ARHGEF10L: variants seen among roughly 807,000 people sequenced by gnomAD.
The protein encoded by ARHGEF10L is rho guanine nucleotide exchange factor 10-like protein.
ARHGEF10L carries 69 observed loss-of-function variants against 141.2 expected under a neutral mutation model. That is an observed-to-expected ratio of 0.49 (90% CI 0.40 to 0.60). The LOEUF (loss-of-function observed/expected upper bound fraction) is 0.60. Ranked by LOEUF, ARHGEF10L falls within the 20% of genes least tolerant of loss-of-function variation. The pLI, the probability that ARHGEF10L is intolerant of heterozygous loss-of-function variation, is 0.00. For missense variants in ARHGEF10L, 1,482 were observed against 1,734.3 expected, an observed-to-expected ratio of 0.85 and a Z score of 2.58; for synonymous variants, 711 against 718.5, an observed-to-expected ratio of 0.99 and a Z score of 0.17.
rs1352013429 is a variant in ARHGEF10L, at chr1:17,673,973, C to T, written c.3009+9378C>T. 6.6e-6 allele frequency among the ~76,000 whole-genome samples: 1 copy of T among 152,108 alleles called. No homozygotes were observed. The highest frequency in any genetic ancestry group is 1.5e-5 in the Non-Finnish European group (1 of 68,002). ...TCTCAGGGTGCCTCTGATTCTGAAGCCCCCACCTGGTCTGCCGTCCTCTGC... is the reference window on the plus strand; with the variant it reads ...TCTCAGGGTGCCTCTGATTCTGAAGTCCCCACCTGGTCTGCCGTCCTCTGC... On this transcript the variant is annotated intron_variant, in intron 26 of 28. Transcript: ENST00000361221. The surrounding 1 kb of genome is among the most constrained non-coding windows in gnomAD (Gnocchi z 4.1).
Position 17,637,877 on chromosome 1 carries a change from T to C in ARHGEF10L, c.1928-11T>C, listed in dbSNP as rs1433863273. The C allele has an allele frequency of 6.4e-7, 1 of 1,574,432 alleles. No individual in the cohort carries two copies. The highest frequency in any genetic ancestry group is 1.3e-5 in the African/African-American group (1 of 74,094). ...TTCACCTGTGCCTGAGTTGGTCTCTTCTCTGCCCAGATAAGGTGTACCTCG... is the reference window on the plus strand; with the variant it reads ...TTCACCTGTGCCTGAGTTGGTCTCTCCTCTGCCCAGATAAGGTGTACCTCG... On this transcript the variant is annotated splice_polypyrimidine_tract_variant and intron_variant, in intron 18 of 28. Coordinates refer to ENST00000361221, the MANE Select transcript of ARHGEF10L (RefSeq NM_018125.4).
intron 14 of ARHGEF10L, among the ~76,000 whole-genome samples, chr1:17,626,540 C>T (rs188195330): frequency 2.6e-5 from 4 of 152,248 alleles, no homozygotes; most frequent in East Asian, 3.9e-4. Context: ...CTGAGGGGTC[C>T]GGTGGCACAT....
intron 1 of ARHGEF10L, among the ~76,000 whole-genome samples, chr1:17,565,554 C>T (rs965245564): frequency 2.0e-5 from 3 of 152,226 alleles, no homozygotes; most frequent in African/African-American, 7.2e-5. Flanking sequence ...CCCCAGGTCT[C>T]CCGAAGGGAA....
chr1:17,672,124 A>G (rs533511752), intron 26 of ARHGEF10L, among the ~76,000 whole-genome samples: 1 of 152,060 alleles, frequency 6.6e-6, no homozygotes, highest in East Asian at 1.9e-4. Flanking sequence ...TTTTGTCCCT[A>G]AGCAGGACAG....
intron 22 of ARHGEF10L, among the ~76,000 whole-genome samples, chr1:17,653,180 T>C (rs77072467): frequency 0.12 from 19,008 of 152,158 alleles, 1,468 homozygotes; most frequent in Non-Finnish European, 0.17. Flanking sequence ...GCTCTGTAGG[T>C]GAGGACCTGA....
At position 17,625,051 on chromosome 1, in the gene ARHGEF10L, T is replaced by G. The variant is rs113810476; in HGVS notation, c.1317+548T>G. On this transcript the variant is annotated intron_variant, in intron 13 of 28. Coordinates refer to ENST00000361221, the MANE Select transcript of ARHGEF10L (RefSeq NM_018125.4). This position sits in a 1 kb window ranked among gnomAD's most constrained non-coding sequence, Gnocchi z 4.5. Reference sequence around the variant, plus strand: ...CCTGCTGGCTGGCAGAGGATGCAACTGGGCTAGGTGCCAGGACACGCACAC... The same window carrying G: ...CCTGCTGGCTGGCAGAGGATGCAACGGGGCTAGGTGCCAGGACACGCACAC... Among the ~76,000 whole-genome samples, 2,334 of 152,294 alleles carry G rather than the reference T, an allele frequency of 0.015. 72 individuals are homozygous for G. Among genetic ancestry groups the G allele is most frequent in the African/African-American group, 0.053 (2,207 of 41,562 alleles).
intron 1 of ARHGEF10L, among the ~76,000 whole-genome samples, chr1:17,577,707 G>A (rs375003539): frequency 4.0e-4 from 61 of 152,322 alleles, no homozygotes; most frequent in African/African-American, 1.5e-3. Context: ...GAGGCAGTGC[G>A]ATCAGAGGAT....
At chr1:17,674,950 A>G (rs1039274387) in intron 26 of ARHGEF10L, among the ~76,000 whole-genome samples, 6 of 152,146 alleles carry the variant, frequency 3.9e-5, no homozygotes, top group African/African-American at 1.4e-4. Context: ...TCACATGACA[A>G]AATTGCCTAA....
rs1346983607 is a variant in ARHGEF10L at position 17,656,091 on chromosome 1, C to T, written c.2694C>T (p.Leu898=). 1 of 1,552,502 alleles carries T rather than the reference C, an allele frequency of 6.4e-7. No homozygotes were observed. Among genetic ancestry groups the T allele is most frequent in the East Asian group, 2.4e-5 (1 of 41,306 alleles). The change falls in exon 24 of 29, where the codon CTC becomes CTT. Residue 898 remains leucine, a synonymous_variant. Coordinates refer to ENST00000361221, the MANE Select transcript of ARHGEF10L (RefSeq NM_018125.4). The surrounding 1 kb of genome is among the most constrained non-coding windows in gnomAD (Gnocchi z 4.9). ...TGCATCCAACCATCTGCCTCGGGCT[C>T]CAGGATGGCAGGTGAGGGGCCCGGA... ...ATVHPTICLG[L]QDGSILLYSS... is the part of the protein sequence containing the mutation.
intron 21 of ARHGEF10L, among the ~76,000 whole-genome samples, chr1:17,641,508 A>C (rs906038254): frequency 6.6e-6 from 1 of 151,912 alleles, no homozygotes; most frequent in Admixed American, 6.6e-5. Flanking sequence ...CTGTAGTCCC[A>C]GCTACTCGGG....
intron 1 of ARHGEF10L, among the ~76,000 whole-genome samples, chr1:17,545,888 C>T (rs1057149409): frequency 1.3e-5 from 2 of 152,162 alleles, no homozygotes; most frequent in African/African-American, 4.8e-5. Context: ...ACATGCTGCT[C>T]CTTCTACCCA....
At chr1:17,533,954 T>C in the ARHGEF10L span, among the ~76,000 whole-genome samples, 3 of 149,070 alleles carry the variant, frequency 2.0e-5, no homozygotes, top group African/African-American at 7.3e-5. Context: ...TCCACCCACT[T>C]TCTTCTTCTT....
intron 26 of ARHGEF10L, 61 bp downstream of exon 26, chr1:17,664,656 C>G: frequency 6.9e-7 from 1 of 1,441,750 alleles, no homozygotes; most frequent in Middle Eastern, 1.8e-4. Context: ...CTGACCCTTT[C>G]TTATGTCCAC....
intron 1 of ARHGEF10L, among the ~76,000 whole-genome samples, chr1:17,541,831 G>A (rs1397184066): frequency 6.6e-6 from 1 of 152,172 alleles, no homozygotes; most frequent in Non-Finnish European, 1.5e-5. Context: ...GCTGGGCATA[G>A]TGGCACATGC....
chr1:17,654,547 A>G lies in ARHGEF10L; in HGVS notation c.2395-89A>G. On this transcript the variant is annotated intron_variant, in intron 22 of 28. Transcript: ENST00000361221. The surrounding 1 kb of genome is among the most constrained non-coding windows in gnomAD (Gnocchi z 4.3). ...CACCCACAGGGATTCTAATCCAGGGAGAGTTGGATGGGGCCCAGGAATCTG... is the reference window on the plus strand; with the variant it reads ...CACCCACAGGGATTCTAATCCAGGGGGAGTTGGATGGGGCCCAGGAATCTG... The G allele has an allele frequency of 3.6e-6, 4 of 1,123,642 alleles. No individual in the cohort carries two copies. The South Asian group carries it at 3.7e-5, about 10-fold the overall frequency. 69.6% of individuals were successfully genotyped at this position (1,123,642 alleles called of 1,614,324 possible). A position where few individuals can be genotyped will look rare whatever the true frequency, so the allele number is the denominator to read the frequency against.
At chr1:17,556,276 G>GT (rs1396416038) in intron 1 of ARHGEF10L, among the ~76,000 whole-genome samples, 1 of 116,142 alleles carries the variant, frequency 8.6e-6, no homozygotes, top group African/African-American at 3.2e-5. Flanking sequence ...TGGCGGCGGG[G>GT]GGGGGGCCTG....
chr1:17,570,596 C>T (rs2077955819), intron 1 of ARHGEF10L, among the ~76,000 whole-genome samples: 1 of 152,044 alleles, frequency 6.6e-6, no homozygotes, highest in Non-Finnish European at 1.5e-5. Flanking sequence ...GGGCTTGGGT[C>T]TTCCTTAAAT....
chr1:17,541,351 C>A (rs777529694), intron 1 of ARHGEF10L, among the ~76,000 whole-genome samples: 1 of 152,324 alleles, frequency 6.6e-6, no homozygotes, highest in South Asian at 2.1e-4. Flanking sequence ...GGAACAGGGG[C>A]CATGTCTGTC....
the ARHGEF10L span, among the ~76,000 whole-genome samples, chr1:17,522,794 C>G: frequency 2.0e-5 from 3 of 152,108 alleles, no homozygotes; most frequent in South Asian, 6.2e-4. Flanking sequence ...CATCCCTCCC[C>G]CCTGGAAGGT....
Sources: gnomAD v4.1 joint callset for allele counts (sites outside exome capture counted in the v4.1 genomes callset) on GRCh38, gnomAD v4.1.1 for gene constraint, Gnocchi (gnomAD v3.1) non-coding constraint, MANE v1.5 for transcripts, NCBI Gene and HGNC (gene_info 2026-07-23, HGNC 2026-07-21) for gene names.